LILRB2: variants seen among roughly 807,000 people sequenced by gnomAD.
LILRB2 encodes the protein leukocyte immunoglobulin-like receptor subfamily B member 2.
In LILRB2, 47 loss-of-function variants were observed where a neutral mutation model predicts 72.7. That is an observed-to-expected ratio of 0.65 (90% CI 0.51 to 0.82). The LOEUF (loss-of-function observed/expected upper bound fraction) is 0.82. Ranked by LOEUF, LILRB2 falls within the 40% of genes least tolerant of loss-of-function variation. The probability of loss-of-function intolerance (pLI) is 0.00; values close to 1 mark genes in which losing one functional copy is unlikely to be tolerated. For synonymous variants in LILRB2, 279 were observed against 313.7 expected (o/e 0.89, Z 1.17); for missense variants, 767 against 764.8 (o/e 1.00, Z -0.03).
chr19:54,277,300 C>T, intron 9 of LILRB2: 4 of 1,385,228 alleles, frequency 2.9e-6, no homozygotes, highest in African/African-American at 1.4e-5. Context: ...ACGGGACAGG[C>T]CCCCGCGGAA....
At chr19:54,276,358 C>T in intron 11 of LILRB2, 23 bp downstream of exon 11, 1 of 1,609,444 alleles carries the variant, frequency 6.2e-7, no homozygotes, top group Non-Finnish European at 8.5e-7. Context: ...AGGTGGGAGT[C>T]TGGGGTCTTC....
Position 54,278,283 on chromosome 19 carries a change from T to C in LILRB2, c.1235A>G (p.Glu412Gly), listed in dbSNP as rs191105008. ...ACCTGAGACCACGAGCTCCAGGGGC[T>C]CACTGGGGTGAGACAGCAGGTAGGG... ...SDPYLLSHPSEPLELVVSGPS... is the reference protein window; with the variant it reads ...SDPYLLSHPSGPLELVVSGPS... The change falls in exon 7 of 14, where the codon GAG becomes GGG. Residue 412 changes from glutamate to glycine, a missense_variant. This residue lies in a region of LILRB2 where 599 missense variants were observed against 568.2 expected (regional missense o/e 1.05). Transcript: ENST00000314446. The C allele has an allele frequency of 6.2e-7, 1 of 1,613,988 alleles. No individual in the cohort carries two copies. Among genetic ancestry groups the C allele is most frequent in the Non-Finnish European group, 8.5e-7 (1 of 1,179,972 alleles).
At chr19:54,277,346 C>T (rs2080283631) in intron 9 of LILRB2, 1 of 1,193,268 alleles carries the variant, frequency 8.4e-7, no homozygotes, top group Non-Finnish European at 1.2e-6. Context: ...GGCCTCCTCT[C>T]CCAGGAGGTC....
In LILRB2 at chr19:54,277,032, C is replaced by A. The variant is rs968253086; in HGVS notation, c.1358-103G>T. ...TTCTGTTCACCACCTCCAACCCCCACAACAGTCGTGCAGCACACAAACATC... is the reference window on the plus strand; with the variant it reads ...TTCTGTTCACCACCTCCAACCCCCAAAACAGTCGTGCAGCACACAAACATC... On this transcript the variant is annotated intron_variant, in intron 9 of 13. Transcript: ENST00000314446. The A allele has an allele frequency of 7.2e-6, 11 of 1,521,966 alleles. No homozygotes were observed. The African/African-American group carries it at 1.4e-4, about 19-fold the overall frequency. 94.3% of individuals were successfully genotyped at this position (1,521,966 alleles called of 1,614,324 possible). A position where few individuals can be genotyped will look rare whatever the true frequency, so the allele number is the denominator to read the frequency against.
rs528129273 is a variant in LILRB2 at position 54,274,617 on chromosome 19, A to G, written c.*66T>C. 5 of 1,610,968 alleles carry G rather than the reference A, an allele frequency of 3.1e-6. No homozygotes were observed. The highest frequency in any genetic ancestry group is 4.5e-5 in the East Asian group (2 of 44,808). On this transcript the variant is annotated 3_prime_UTR_variant, in exon 14 of 14. Transcript: ENST00000314446. ...GGGTTCATTGGTGTCCACTGGGGGC[A>G]GCTCCCGTGCCTTCAGCAGTCCTGA...
chr19:54,280,146 C>G (rs2080481498), intron 3 of LILRB2, 71 bp from the exon 4 acceptor site: 4 of 1,608,258 alleles, frequency 2.5e-6, no homozygotes, highest in Non-Finnish European at 3.4e-6. Flanking sequence ...AGCCCAGGAC[C>G]CTCCAGATGC....
At chr19:54,274,994 T>G in intron 13 of LILRB2, 165 bp from the exon 14 acceptor site, 1 of 1,609,522 alleles carries the variant, frequency 6.2e-7, no homozygotes, top group Non-Finnish European at 8.5e-7. Flanking sequence ...GGAGAGGCCA[T>G]TTCTCTCCTA....
Position 54,277,300 on chromosome 19 carries a change from C to G in LILRB2, c.1357+250G>C, listed in dbSNP as rs1216966520. The G allele has an allele frequency of 3.6e-6, 5 of 1,385,230 alleles. No individual in the cohort carries two copies. In the South Asian group the frequency reaches 5.1e-5, roughly 14 times the overall value. The allele number at this position is 1,385,230 out of a possible 1,614,324, so 85.8% of individuals were successfully genotyped here. On this transcript the variant is annotated intron_variant, in intron 9 of 13. Coordinates refer to ENST00000314446, the MANE Select transcript of LILRB2 (RefSeq NM_001080978.4). ...TCTGCTGCAGGTGGGACGGGACAGGCCCCCGCGGAATCGAGTCTTGGAGTC... is the reference window on the plus strand; with the variant it reads ...TCTGCTGCAGGTGGGACGGGACAGGGCCCCGCGGAATCGAGTCTTGGAGTC...
rs2080357376 is a variant in LILRB2, at chr19:54,278,439, C to T, written c.1079G>A (p.Gly360Glu). The T allele has an allele frequency of 6.2e-7, 1 of 1,614,084 alleles. No individual in the cohort carries two copies. ...QFHTFLLTKA[G>E]AADAPLRLRS... Reference sequence around the variant, plus strand: ...TAGACGGAGTGGGGCATCAGCTGCTCCCGCCTTGGTCAGAAGGAAAGTGTG... The same window carrying T: ...TAGACGGAGTGGGGCATCAGCTGCTTCCGCCTTGGTCAGAAGGAAAGTGTG... Residue 360 changes from glycine (G) to glutamate (E), a missense_variant, in exon 7 of 14, where the codon GGA becomes GAA. Gly to Glu is a moderately conservative substitution (Grantham distance 98). Transcript: ENST00000314446.
At chr19:54,280,665 C>A (rs1296045802) in intron 1 of LILRB2, 121 bp from the exon 2 acceptor site, 3 of 1,364,734 alleles carry the variant, frequency 2.2e-6, no homozygotes, top group Non-Finnish European at 3.1e-6. Context: ...AGAAGCGGAA[C>A]TGCCCTCCCA....
chr19:54,278,595 C>A (rs373723600), intron 6 of LILRB2, 33 bp from the exon 7 acceptor site: 596 of 1,609,790 alleles, frequency 3.7e-4, no homozygotes, highest in Non-Finnish European at 4.7e-4. Context: ...AGGGGCTGCC[C>A]CACCTTGCTC....
chr19:54,277,294 G>A (rs1195168477), intron 9 of LILRB2: 18 of 1,406,348 alleles, frequency 1.3e-5, no homozygotes, highest in Non-Finnish European at 1.8e-5. Flanking sequence ...GGTGGGACGG[G>A]ACAGGCCCCC....
Position 54,279,932 on chromosome 19 carries a change from G to C in LILRB2, c.214C>G (p.Arg72Gly). The C allele has an allele frequency of 6.2e-7, 1 of 1,614,122 alleles. No homozygotes were observed. The highest frequency in any genetic ancestry group is 1.3e-5 in the African/African-American group (1 of 75,034). The change falls in exon 4 of 14, where the codon CGG becomes GGG. Residue 72 changes from arginine to glycine, a missense_variant. Transcript: ENST00000314446. ...REKKSASWIT[R>G]IRPELVKNGQ... ...TTCTTCACAAGCTCTGGTCGTATCC[G>C]TGTAATCCAAGATGCTGATTTTTTC...
Position 54,276,862 on chromosome 19 carries a change from G to A in LILRB2, c.1425C>T (p.Leu475=). Residue 475 remains leucine (L), a synonymous_variant, in exon 10 of 14, where the codon CTC becomes CTT. Coordinates refer to ENST00000314446, the MANE Select transcript of LILRB2 (RefSeq NM_001080978.4). ...GTCGGAGGATGAGGAAGAGGAGGAG[G>A]AGGAGGAGGAGCAGTAGGACGACGG... ...LVAVVLLLLL[L]LLLFLILRHR... is the part of the protein sequence containing the mutation. 1 of 1,614,032 alleles carries A rather than the reference G, an allele frequency of 6.2e-7. No homozygotes were observed. Among genetic ancestry groups the A allele is most frequent in the Non-Finnish European group, 8.5e-7 (1 of 1,179,952 alleles).
In LILRB2 at chr19:54,278,991, T is replaced by C; in HGVS notation, c.776A>G (p.Glu259Gly). ...GAGCTGGCGAAGGTCACGTTCCCCC[T>C]CCTTGTACAGAACAAATCTGTCATA... Reference protein sequence around the residue: ...VGYDRFVLYKEGERDLRQLPG... With the variant: ...VGYDRFVLYKGGERDLRQLPG... The change falls in exon 6 of 14, where the codon GAG becomes GGG. Residue 259 changes from glutamate (E) to glycine (G), a missense_variant. Glu to Gly is a moderately conservative substitution (Grantham distance 98, BLOSUM62 -2). Around this residue, in one of 3 missense-constraint regions of LILRB2, gnomAD observed 599 missense variants for 568.2 expected, o/e 1.05. Coordinates refer to ENST00000314446, the MANE Select transcript of LILRB2 (RefSeq NM_001080978.4). The C allele has an allele frequency of 6.2e-7, 1 of 1,614,182 alleles. No homozygotes were observed. The highest frequency in any genetic ancestry group is 1.1e-5 in the South Asian group (1 of 91,092).
chr19:54,276,451 T>C lies in LILRB2; in HGVS notation c.1486A>G (p.Arg496Gly), dbSNP rs1174924713. 1.9e-6 allele frequency: 3 copies of C among 1,588,870 alleles called. No individual in the cohort carries two copies. The highest frequency in any genetic ancestry group is 1.7e-4 in the Middle Eastern group (1 of 5,772). ...RQGKHWTSTQ[R>G]KADFQHPAGA... ...GCAGGATGTTGGAAATCAGCCTTTC[T>C]CTGGGCTGGGGGAAGAAGGACAGAG... The change falls in exon 11 of 14, where the codon AGA (arginine) becomes GGA (glycine). Residue 496 changes from arginine to glycine, a missense_variant. By Grantham distance (125) the Arg-to-Gly change is moderately radical. This residue lies in a region of LILRB2 where 162 missense variants were observed against 176.7 expected (regional missense o/e 0.92). Transcript: ENST00000314446.
chr19:54,278,121 C>T, intron 7 of LILRB2, 139 bp downstream of exon 7: 1 of 1,283,450 alleles, frequency 7.8e-7, no homozygotes, highest in Non-Finnish European at 1.1e-6. Flanking sequence ...TGTTGTCCTC[C>T]TTCCCTCTGA....
rs549555459 is a variant in LILRB2, at chr19:54,280,527, A to T, written c.-31T>A. The T allele has an allele frequency of 4.3e-6, 7 of 1,613,566 alleles. No individual in the cohort carries two copies. The African/African-American group carries it at 9.4e-5, about 22-fold the overall frequency. ...CTCCTCCCACTGCCCTGCTCTGCGG[A>T]TGGATGAGCCCTCGGTGCTGGCGGG... On this transcript the variant is annotated 5_prime_UTR_variant, in exon 2 of 14. Coordinates refer to ENST00000314446, the MANE Select transcript of LILRB2 (RefSeq NM_001080978.4).
intron 7 of LILRB2, 49 bp downstream of exon 7, chr19:54,278,211 G>A: frequency 6.2e-7 from 1 of 1,607,426 alleles, no homozygotes; most frequent in Non-Finnish European, 8.5e-7. Context: ...GGGGGGCAGG[G>A]CCTGAGCTGA....
Sources: gnomAD v4.1 joint callset for allele counts on GRCh38, gnomAD v4.1.1 for gene constraint, gnomAD v4.1.1 regional missense constraint, MANE v1.5 for transcripts, NCBI Gene and HGNC (gene_info 2026-07-23, HGNC 2026-07-21) for gene names.